Variants in PTPRK observed in about 807,000 individuals in gnomAD.
The protein encoded by PTPRK is protein tyrosine phosphatase receptor type K.
PTPRK carries 75 observed loss-of-function variants against 178.0 expected under a neutral mutation model. The observed-to-expected ratio is 0.42, with a 90% confidence interval of 0.35 to 0.51. PTPRK has a LOEUF of 0.51. Among genes scored for constraint, PTPRK ranks in the 20% least tolerant of loss-of-function variants. The pLI is 0.02. For synonymous variants in PTPRK, 637 were observed against 620.6 expected, an observed-to-expected ratio of 1.03 and a Z score of -0.39; for missense variants, 1,441 against 1,797.8, an observed-to-expected ratio of 0.80 and a Z score of 3.59.
At chr6:128,401,951 G>A (rs888175205) in intron 1 of PTPRK, among the ~76,000 whole-genome samples, 1 of 152,040 alleles carries the variant, frequency 6.6e-6, no homozygotes, top group Admixed American at 6.6e-5. Context: ...TTATCAACTT[G>A]GAATGATCTT....
intron 7 of PTPRK, among the ~76,000 whole-genome samples, chr6:128,179,232 G>A (rs188154724): frequency 1.1e-4 from 17 of 152,088 alleles, no homozygotes; most frequent in Non-Finnish European, 1.5e-4. Context: ...GGCATTGGTT[G>A]TATAACTTTG....
At chr6:128,464,399 A>G (rs1435359231) in intron 1 of PTPRK, among the ~76,000 whole-genome samples, 3 of 151,848 alleles carry the variant, frequency 2.0e-5, no homozygotes, top group Non-Finnish European at 1.5e-5. Context: ...GAGTGCATTA[A>G]CAACCCAAAA....
intron 2 of PTPRK, among the ~76,000 whole-genome samples, chr6:128,357,288 A>C (rs2128340295): frequency 1.3e-5 from 2 of 152,312 alleles, no homozygotes; most frequent in South Asian, 4.1e-4. Flanking sequence ...TATCTCAGTA[A>C]CTGTTTAATC....
intron 7 of PTPRK, among the ~76,000 whole-genome samples, chr6:128,091,261 T>A (rs564995627): frequency 1.1e-4 from 16 of 152,316 alleles, no homozygotes; most frequent in Non-Finnish European, 1.8e-4. Flanking sequence ...ACTTCACCAC[T>A]TTCATTTCAG....
intron 7 of PTPRK, among the ~76,000 whole-genome samples, chr6:128,154,384 T>C (rs893257116): frequency 6.6e-6 from 1 of 151,700 alleles, no homozygotes; most frequent in Non-Finnish European, 1.5e-5. Flanking sequence ...TTAGTATCTG[T>C]AAAAAAATCA....
intron 3 of PTPRK, among the ~76,000 whole-genome samples, chr6:128,317,809 T>C (rs1036644436): frequency 6.6e-6 from 1 of 152,060 alleles, no homozygotes; most frequent in Non-Finnish European, 1.5e-5. Flanking sequence ...TTCCCAGAAG[T>C]TTCCTGGCAG....
intron 1 of PTPRK, among the ~76,000 whole-genome samples, chr6:128,418,304 C>T (rs527594883): frequency 6.6e-6 from 1 of 152,300 alleles, no homozygotes; most frequent in African/African-American, 2.4e-5. Context: ...ACTTGTTCTG[C>T]ATGTCCTAAA....
At chr6:128,071,980 T>A (rs1010565454) in intron 11 of PTPRK, among the ~76,000 whole-genome samples, 2 of 152,056 alleles carry the variant, frequency 1.3e-5, no homozygotes, top group Non-Finnish European at 2.9e-5. Context: ...ACTAATTACA[T>A]GAAATGGGAT....
chr6:128,067,405 T>G (rs1781988964), intron 12 of PTPRK, 114 bp downstream of exon 12: 2 of 1,227,696 alleles, frequency 1.6e-6, no homozygotes, highest in African/African-American at 1.5e-5. Context: ...ACCCCCTACA[T>G]GCAAATTTTC....
intron 2 of PTPRK, among the ~76,000 whole-genome samples, chr6:128,394,616 A>T (rs1369165067): frequency 1.3e-5 from 2 of 152,136 alleles, no homozygotes; most frequent in Non-Finnish European, 2.9e-5. Flanking sequence ...TGTCTTATGA[A>T]GTACTCATTC....
chr6:128,063,628 T>C (rs1237265223), intron 13 of PTPRK: 1 of 152,200 alleles, frequency 6.6e-6, no homozygotes, highest in Non-Finnish European at 1.5e-5. Context: ...TAAAATAAAA[T>C]CCTTATACAT....
intron 7 of PTPRK, among the ~76,000 whole-genome samples, chr6:128,092,750 T>A (rs1787207256): frequency 6.6e-6 from 1 of 152,218 alleles, no homozygotes; most frequent in Non-Finnish European, 1.5e-5. Flanking sequence ...AAGAAATTTT[T>A]CTCAAAGATT....
At chr6:128,183,313 A>G (rs1802237415) in intron 7 of PTPRK, among the ~76,000 whole-genome samples, 1 of 152,174 alleles carries the variant, frequency 6.6e-6, no homozygotes, top group Non-Finnish European at 1.5e-5. Context: ...CATACAGAAT[A>G]TTTGAAAAGC....
chr6:128,314,204 T>G (rs922608009), intron 3 of PTPRK, among the ~76,000 whole-genome samples: 2 of 152,188 alleles, frequency 1.3e-5, no homozygotes, highest in African/African-American at 4.8e-5. Context: ...ATTTTTTAAA[T>G]TTTAATTATT....
intron 11 of PTPRK, among the ~76,000 whole-genome samples, chr6:128,078,457 C>G (rs78457931): frequency 6.6e-6 from 1 of 151,830 alleles, no homozygotes; most frequent in Non-Finnish European, 1.5e-5. Context: ...TACCCCCCAA[C>G]CCTGCCTACC....
At position 128,414,347 on chromosome 6, in the gene PTPRK, G is replaced by A. The variant is rs139410358; in HGVS notation, c.101-16659C>T. Among the ~76,000 whole-genome samples the A allele has an allele frequency of 2.3e-3, 346 of 152,220 alleles. 1 individual carries two copies. Among genetic ancestry groups the A allele is most frequent in the African/African-American group, 7.5e-3 (313 of 41,536 alleles). The stretch of plus-strand genomic sequence containing the variant: ...AGTAAATGATGAGCGTCTCCATCGC[G>A]GGACCCCTTCTTCCTAGTGCGGCAG... On this transcript the variant is annotated intron_variant, in intron 1 of 29. Transcript: ENST00000368226.
chr6:128,104,021 C>T (rs537249610), intron 7 of PTPRK, among the ~76,000 whole-genome samples: 2 of 152,270 alleles, frequency 1.3e-5, no homozygotes, highest in Admixed American at 6.5e-5. Context: ...CCAAGCAGGG[C>T]CTTTGTACCT....
At chr6:128,421,998 G>A (rs915041072) in intron 1 of PTPRK, among the ~76,000 whole-genome samples, 7 of 152,190 alleles carry the variant, frequency 4.6e-5, no homozygotes, top group African/African-American at 1.4e-4. Flanking sequence ...AAGAGGCCTG[G>A]CCAGCAACCA....
At chr6:128,146,047 C>T (rs1796439443) in intron 7 of PTPRK, among the ~76,000 whole-genome samples, 1 of 152,142 alleles carries the variant, frequency 6.6e-6, no homozygotes, top group South Asian at 2.1e-4. Flanking sequence ...AGGTGTAGTA[C>T]CCTAGACAGC....
Sources: gnomAD v4.1 joint callset for allele counts (sites outside exome capture counted in the v4.1 genomes callset) on GRCh38, gnomAD v4.1.1 for gene constraint, MANE v1.5 for transcripts, NCBI Gene and HGNC (gene_info 2026-07-23, HGNC 2026-07-21) for gene names.